Variants in APAF1 observed in about 807,000 individuals in gnomAD.
The protein encoded by APAF1 is apoptotic peptidase activating factor 1.
A neutral mutation model predicts 152.4 loss-of-function variants in APAF1; 91 were observed. The observed-to-expected ratio is 0.60, with a 90% CI of 0.50 to 0.71. The LOEUF is 0.71. Ranked by LOEUF, APAF1 falls within the 30% of genes least tolerant of loss-of-function variation. The pLI, the probability that APAF1 is intolerant of heterozygous loss-of-function variation, is 0.00. For synonymous variants in APAF1, 484 were observed against 494.1 expected (o/e 0.98, Z 0.27); for missense variants, 1,283 against 1,472.0 (o/e 0.87, Z 2.10).
chr12:98,704,209 C>T (rs2097718853), intron 18 of APAF1, among the ~76,000 whole-genome samples: 1 of 152,046 alleles, frequency 6.6e-6, no homozygotes, highest in South Asian at 2.1e-4. Flanking sequence ...AAGCAATACT[C>T]CCCCAGCCTT....
At chr12:98,676,633 G>C (rs908447392) in intron 12 of APAF1, among the ~76,000 whole-genome samples, 7 of 147,122 alleles carry the variant, frequency 4.8e-5, no homozygotes, top group African/African-American at 1.5e-4. Context: ...CTGAATAATT[G>C]TAGTTTGAGA....
intron 4 of APAF1, among the ~76,000 whole-genome samples, chr12:98,651,665 TG>T (rs67886092): frequency 0.15 from 23,001 of 151,802 alleles, 1,853 homozygotes; most frequent in Non-Finnish European, 0.18. Flanking sequence ...TATTTATTTT[TG>T]TTTTTTTTTA....
In APAF1 at chr12:98,734,023, AT is replaced by A. The variant is rs2097765707; in HGVS notation, c.*1458del. ...GGGCCAATTTTAATCATAAGCCTTA[AT>A]AAGATTTTTCTAAGAAATGTGAAAT... On this transcript the variant is annotated 3_prime_UTR_variant, in exon 27 of 27. Coordinates refer to ENST00000551964, the MANE Select transcript of APAF1 (RefSeq NM_181861.2). 1 of 152,200 alleles carries A rather than the reference AT, an allele frequency of 6.6e-6. No individual in the cohort carries two copies. Among genetic ancestry groups the A allele is most frequent in the Admixed American group, 6.5e-5 (1 of 15,280 alleles). 9.4% of individuals were successfully genotyped at this position (152,200 alleles called of 1,614,324 possible). A position where few individuals can be genotyped will look rare whatever the true frequency, so the allele number is the denominator to read the frequency against.
At chr12:98,702,205 A>G (rs2097716192) in intron 17 of APAF1, among the ~76,000 whole-genome samples, 1 of 152,036 alleles carries the variant, frequency 6.6e-6, no homozygotes, top group African/African-American at 2.4e-5. Context: ...AGCTGGGACT[A>G]CAGGCACCTG....
intron 4 of APAF1, among the ~76,000 whole-genome samples, chr12:98,656,781 T>C (rs1361834563): frequency 6.6e-6 from 1 of 152,212 alleles, no homozygotes. Flanking sequence ...CTTTATATCC[T>C]ACATACTTTA....
intron 16 of APAF1, among the ~76,000 whole-genome samples, chr12:98,688,552 G>A (rs1425776070): frequency 6.8e-6 from 1 of 146,172 alleles, no homozygotes; most frequent in Non-Finnish European, 1.5e-5. Flanking sequence ...GCTCACTGCA[G>A]CCTTCACTTC....
chr12:98,720,281 T>C (rs1334603926), intron 22 of APAF1, among the ~76,000 whole-genome samples: 1 of 152,266 alleles, frequency 6.6e-6, no homozygotes, highest in Non-Finnish European at 1.5e-5. Context: ...TAAGTAGTTG[T>C]GTTTCTTCCT....
intron 4 of APAF1, among the ~76,000 whole-genome samples, chr12:98,653,713 T>TAG (rs1204979641): frequency 2.7e-5 from 3 of 111,104 alleles, no homozygotes; most frequent in African/African-American, 9.7e-5. Flanking sequence ...TATATATATA[T>TAG]ATATATATAT....
chr12:98,712,583 C>T (rs527490620), intron 21 of APAF1, 148 bp downstream of exon 21: 219 of 641,724 alleles, frequency 3.4e-4, no homozygotes, highest in Non-Finnish European at 5.1e-4. Flanking sequence ...GTGACACGAT[C>T]ACAGCCGACT....
At chr12:98,728,383 A>C (rs528145001) in intron 26 of APAF1, among the ~76,000 whole-genome samples, 4 of 152,194 alleles carry the variant, frequency 2.6e-5, no homozygotes, top group African/African-American at 9.7e-5. Context: ...TGGTTTACAG[A>C]TGAGGAAAAT....
chr12:98,703,932 A>T (rs1050005799), intron 18 of APAF1, among the ~76,000 whole-genome samples: 53 of 152,184 alleles, frequency 3.5e-4, no homozygotes, highest in African/African-American at 1.3e-3. Flanking sequence ...ATAAGATAGG[A>T]TGTTCATTGC....
Position 98,700,367 on chromosome 12 carries a change from C to T in APAF1, c.2466+798C>T, listed in dbSNP as rs140891416. Reference sequence around the variant, plus strand: ...CAAAAGACTTGAATGAGGGATATTACTGTTTTAAAGAGCATAATTGAAATA... The same window carrying T: ...CAAAAGACTTGAATGAGGGATATTATTGTTTTAAAGAGCATAATTGAAATA... On this transcript the variant is annotated intron_variant, in intron 17 of 26. Coordinates refer to ENST00000551964, the MANE Select transcript of APAF1 (RefSeq NM_181861.2). 1.2e-3 allele frequency among the ~76,000 whole-genome samples: 184 copies of T among 152,242 alleles called. 1 individual carries two copies. The East Asian group carries it at 0.028, about 23-fold the overall frequency.
intron 4 of APAF1, among the ~76,000 whole-genome samples, chr12:98,657,400 G>T (rs1440889224): frequency 6.6e-6 from 1 of 152,142 alleles, no homozygotes; most frequent in African/African-American, 2.4e-5. Context: ...TCTATGCTGG[G>T]AAGTGGAATA....
At chr12:98,668,622 G>A (rs946938752) in intron 10 of APAF1, among the ~76,000 whole-genome samples, 1 of 152,092 alleles carries the variant, frequency 6.6e-6, no homozygotes, top group African/African-American at 2.4e-5. Flanking sequence ...TTTGCTTATG[G>A]GTTTGGTATG....
At chr12:98,703,830 A>G (rs547825431) in intron 18 of APAF1, among the ~76,000 whole-genome samples, 1 of 152,304 alleles carries the variant, frequency 6.6e-6, no homozygotes, top group African/African-American at 2.4e-5. Flanking sequence ...GATATGTGGC[A>G]TTTCTTAAAC....
chr12:98,651,495 C>A (rs866153126), intron 4 of APAF1, among the ~76,000 whole-genome samples: 1 of 152,162 alleles, frequency 6.6e-6, no homozygotes, highest in African/African-American at 2.4e-5. Flanking sequence ...TTATTTGTTA[C>A]ACCTGATTGC....
intron 26 of APAF1, 148 bp downstream of exon 26, chr12:98,727,464 T>A: frequency 1.2e-6 from 1 of 867,502 alleles, no homozygotes; most frequent in Non-Finnish European, 1.8e-6. Flanking sequence ...GGAGGATCGC[T>A]GGAGTCTGTG....
At chr12:98,708,105 C>G (rs1373148218) in intron 19 of APAF1, among the ~76,000 whole-genome samples, 3 of 152,132 alleles carry the variant, frequency 2.0e-5, no homozygotes, top group Admixed American at 2.0e-4. Context: ...CACCACCATG[C>G]CCAGCCAAGT....
At chr12:98,675,624 G>C (rs1277097352) in intron 12 of APAF1, among the ~76,000 whole-genome samples, 1 of 152,114 alleles carries the variant, frequency 6.6e-6, no homozygotes, top group Non-Finnish European at 1.5e-5. Flanking sequence ...CATTGTACTA[G>C]GTATTTTGAG....
Sources: allele counts gnomAD v4.1 joint callset (sites outside exome capture counted in the v4.1 genomes callset), GRCh38; gene constraint gnomAD v4.1.1; transcripts MANE v1.5; gene names NCBI Gene and HGNC (gene_info 2026-07-23, HGNC 2026-07-21).